Variants in CCDC110 observed in about 807,000 individuals in gnomAD.
CCDC110 encodes coiled-coil domain-containing protein 110.
A neutral mutation model predicts 77.1 loss-of-function variants in CCDC110; 70 were observed. The observed-to-expected ratio is 0.91, with a 90% confidence interval of 0.75 to 1.11. CCDC110 has a LOEUF of 1.11. Among genes scored for constraint, CCDC110 ranks in the 50% least tolerant of loss-of-function variants. The pLI is 0.00. For synonymous variants in CCDC110, 295 were observed against 312.5 expected (o/e 0.94, Z 0.59); for missense variants, 868 against 942.9 (o/e 0.92, Z 1.04).
rs747966585 is a variant in CCDC110, at chr4:185,460,029, G to A, written c.558C>T (p.His186=). 6.8e-6 allele frequency: 11 copies of A among 1,613,164 alleles called. No homozygotes were observed. Among genetic ancestry groups the A allele is most frequent in the South Asian group, 6.6e-5 (6 of 91,020 alleles). ...TDNLSSNIII[H]PSENSDILKN... is the part of the protein sequence containing the mutation. ...TCAAGATGTCAGAATTTTCTGAAGG[G>A]TGTATAATTATGTTTGAAGATAAAT... The change falls in exon 6 of 7, where the codon CAC becomes CAT. Residue 186 remains histidine (H), a synonymous_variant. Coordinates refer to ENST00000307588, the MANE Select transcript of CCDC110 (RefSeq NM_152775.4).
chr4:185,463,640 C>A (rs754657400), intron 2 of CCDC110, among the ~76,000 whole-genome samples: 2 of 152,234 alleles, frequency 1.3e-5, no homozygotes, highest in Non-Finnish European at 2.9e-5. Context: ...TCGTTCACAG[C>A]CTGTGCTGGA....
rs985932070 is a variant in CCDC110 at position 185,468,024 on chromosome 4, C to A, written c.115+2921G>T. Among the ~76,000 whole-genome samples, 2 of 152,236 alleles carry A rather than the reference C, an allele frequency of 1.3e-5. No homozygotes were observed. The highest frequency in any genetic ancestry group is 2.4e-5 in the African/African-American group (1 of 41,462). On this transcript the variant is annotated intron_variant, in intron 2 of 6. Transcript: ENST00000307588. The surrounding 1 kb of genome is among the most constrained non-coding windows in gnomAD (Gnocchi z 4.5). The stretch of plus-strand genomic sequence containing the variant: ...CCTCAGGTGATCCTCCTGCCTCGGT[C>A]TCCCAAAATGCTGGGATTACAGGCG...
intron 6 of CCDC110, among the ~76,000 whole-genome samples, chr4:185,450,789 C>T (rs1415466029): frequency 1.3e-5 from 2 of 150,984 alleles, no homozygotes; most frequent in African/African-American, 4.9e-5. Context: ...ATTTAAATAT[C>T]TTACTGTAAT....
intron 6 of CCDC110, among the ~76,000 whole-genome samples, chr4:185,452,873 C>CGGCAGA (rs1335261073): frequency 1.7e-5 from 2 of 119,346 alleles, no homozygotes; most frequent in African/African-American, 6.6e-5. Flanking sequence ...CCAGCCTGGA[C>CGGCAGA]GGCAGAGTGA....
At chr4:185,457,360 G>A (rs562813904) in intron 6 of CCDC110, 90 of 455,004 alleles carry the variant, frequency 2.0e-4, no homozygotes, top group Non-Finnish European at 3.6e-4. Context: ...CTTACTATCC[G>A]TTATAATACT....
chr4:185,446,132 C>T (rs571033540), intron 6 of CCDC110, among the ~76,000 whole-genome samples: 3 of 152,258 alleles, frequency 2.0e-5, no homozygotes, highest in African/African-American at 7.2e-5. Flanking sequence ...TGAGCCACTG[C>T]GCCCAGCACA....
rs1656000899 is a variant in CCDC110, at chr4:185,458,435, G to A, written c.2152C>T (p.Leu718=). ...VMETKTDNQI[L]KEELKKHSQE... is the part of the protein sequence containing the mutation. ...CTATGTTTCTTTAGTTCTTCTTTTAGAATCTGATTATCTGTTTTGGTTTCC... is the reference window on the plus strand; with the variant it reads ...CTATGTTTCTTTAGTTCTTCTTTTAAAATCTGATTATCTGTTTTGGTTTCC... The change falls in exon 6 of 7, where the codon CTA becomes TTA. Residue 718 remains leucine (L), a synonymous_variant. Coordinates refer to ENST00000307588, the MANE Select transcript of CCDC110 (RefSeq NM_152775.4). 1.9e-6 allele frequency: 3 copies of A among 1,598,028 alleles called. No individual in the cohort carries two copies. Among genetic ancestry groups the A allele is most frequent in the Non-Finnish European group, 2.6e-6 (3 of 1,174,050 alleles).
At position 185,459,272 on chromosome 4, in the gene CCDC110, C is replaced by A; in HGVS notation, c.1315G>T (p.Val439Leu). 3 of 1,613,248 alleles carry A rather than the reference C, an allele frequency of 1.9e-6. No homozygotes were observed. The South Asian group carries it at 3.3e-5, about 18-fold the overall frequency. ...QYLQNYLKES[V>L]QIQKKVMELE... ...TCCATTACTTTTTTCTGTATCTGCACAGATTCTTTTAGGTAATTCTGTAAG... is the reference window on the plus strand; with the variant it reads ...TCCATTACTTTTTTCTGTATCTGCAAAGATTCTTTTAGGTAATTCTGTAAG... The change falls in exon 6 of 7, where the codon GTG (valine) becomes TTG (leucine). Residue 439 changes from valine to leucine, a missense_variant. Coordinates refer to ENST00000307588, the MANE Select transcript of CCDC110 (RefSeq NM_152775.4).
chr4:185,466,278 G>A (rs1290240943), intron 2 of CCDC110, among the ~76,000 whole-genome samples: 1 of 152,120 alleles, frequency 6.6e-6, no homozygotes, highest in Non-Finnish European at 1.5e-5. Flanking sequence ...GGGAGGCTGA[G>A]GCAGGAGAAT....
At chr4:185,457,888 T>A (rs757869459) in intron 6 of CCDC110, 176 of 872,406 alleles carry the variant, frequency 2.0e-4, no homozygotes, top group Non-Finnish European at 2.8e-4. Context: ...TAACTCCCTC[T>A]TGCTCACTGC....
At chr4:185,450,383 C>T (rs1421473794) in intron 6 of CCDC110, among the ~76,000 whole-genome samples, 1 of 152,190 alleles carries the variant, frequency 6.6e-6, no homozygotes, top group African/African-American at 2.4e-5. Context: ...TCTCCTGGGG[C>T]ATCCCACCTA....
intron 6 of CCDC110, chr4:185,457,125 C>A: frequency 2.6e-6 from 1 of 383,220 alleles, no homozygotes; most frequent in Non-Finnish European, 5.2e-6. Context: ...ACATAATTTA[C>A]CATATTAACA....
rs757958063 is a variant in CCDC110 at position 185,459,225 on chromosome 4, G to A, written c.1362C>T (p.Asn454=). 1.9e-6 allele frequency: 3 copies of A among 1,606,314 alleles called. No homozygotes were observed. The highest frequency in any genetic ancestry group is 2.3e-5 in the South Asian group (2 of 88,716). ...TAAGAGGTTTCATTTTGGACTTAAG[G>A]TTTAGATTTTCACTCTCCAGTTCCA... is the stretch of plus-strand genomic sequence containing the variant. ...KVMELESENL[N]LKSKMKPLIF... Residue 454 remains asparagine, a synonymous_variant, in exon 6 of 7, where the codon AAC becomes AAT. Transcript: ENST00000307588.
chr4:185,469,524 C>T (rs1254223624), intron 2 of CCDC110, among the ~76,000 whole-genome samples: 10 of 152,246 alleles, frequency 6.6e-5, no homozygotes, highest in African/African-American at 2.4e-4. Flanking sequence ...TTTCTTCTGA[C>T]CTTACATGCT....
intron 6 of CCDC110, among the ~76,000 whole-genome samples, chr4:185,450,252 G>A (rs970907798): frequency 2.6e-5 from 4 of 152,192 alleles, no homozygotes; most frequent in South Asian, 2.1e-4. Flanking sequence ...AGTTTGAGGG[G>A]TTGAGGGGAA....
At position 185,458,574 on chromosome 4, in the gene CCDC110, A is replaced by T. The variant is rs761861301; in HGVS notation, c.2013T>A (p.Thr671=). 1 of 1,608,550 alleles carries T rather than the reference A, an allele frequency of 6.2e-7. No homozygotes were observed. Residue 671 remains threonine (T), a synonymous_variant, in exon 6 of 7, where the codon ACT becomes ACA. Coordinates refer to ENST00000307588, the MANE Select transcript of CCDC110 (RefSeq NM_152775.4). ...TTTCTTGCAGAAAATTCTCTTCGGC[A>T]GTAGATTGGTAGGTTTGAATATTCT... ...EIENIQTYQS[T]AEENFLQEIK... is the part of the protein sequence containing the mutation.
At chr4:185,446,002 C>T (rs576744441) in intron 6 of CCDC110, among the ~76,000 whole-genome samples, 116 of 152,130 alleles carry the variant, frequency 7.6e-4, no homozygotes, top group African/African-American at 2.6e-3. Flanking sequence ...ACACCACACC[C>T]GGCTAATTTT....
Position 185,468,336 on chromosome 4 carries a change from C to T in CCDC110, c.115+2609G>A, listed in dbSNP as rs952298355. Among the ~76,000 whole-genome samples, 2 of 152,196 alleles carry T rather than the reference C, an allele frequency of 1.3e-5. No individual in the cohort carries two copies. The highest frequency in any genetic ancestry group is 1.3e-4 in the Admixed American group (2 of 15,286). On this transcript the variant is annotated intron_variant, in intron 2 of 6. Coordinates refer to ENST00000307588, the MANE Select transcript of CCDC110 (RefSeq NM_152775.4). This position sits in a 1 kb window ranked among gnomAD's most constrained non-coding sequence, Gnocchi z 4.5. ...CGAGGTGTACGGCACATAGTGAATGCTCAAGAGACACTAACTCATTACTGC... is the reference window on the plus strand; with the variant it reads ...CGAGGTGTACGGCACATAGTGAATGTTCAAGAGACACTAACTCATTACTGC...
At position 185,448,134 on chromosome 4, in the gene CCDC110, T is replaced by C. The variant is rs559718527; in HGVS notation, c.2462-2592A>G. Among the ~76,000 whole-genome samples, 8 of 152,076 alleles carry C rather than the reference T, an allele frequency of 5.3e-5. No homozygotes were observed. In the South Asian group the frequency reaches 1.0e-3, roughly 20 times the overall value. On this transcript the variant is annotated intron_variant, in intron 6 of 6. Coordinates refer to ENST00000307588, the MANE Select transcript of CCDC110 (RefSeq NM_152775.4). Reference sequence around the variant, plus strand: ...CTCCCAGGTTCAAGCAACTCTCCTGTCTCAGCCTCCCAAGTAGCTGGTATT... The same window carrying C: ...CTCCCAGGTTCAAGCAACTCTCCTGCCTCAGCCTCCCAAGTAGCTGGTATT...
Sources: gnomAD v4.1 joint callset for allele counts (sites outside exome capture counted in the v4.1 genomes callset) on GRCh38, gnomAD v4.1.1 for gene constraint, Gnocchi (gnomAD v3.1) non-coding constraint, MANE v1.5 for transcripts, NCBI Gene and HGNC (gene_info 2026-07-23, HGNC 2026-07-21) for gene names.